The following GRID2 variants were observed in gnomAD, a reference collection of about 807,000 sequenced individuals.
GRID2 encodes glutamate ionotropic receptor delta type subunit 2.
In GRID2, 33 loss-of-function variants were observed where a neutral mutation model predicts 114.8. The observed-to-expected ratio is 0.29, with a 90% CI of 0.22 to 0.38. The LOEUF (loss-of-function observed/expected upper bound fraction) is 0.38, where lower values mean the gene tolerates loss of function less well. Ranked by LOEUF, GRID2 falls within the 10% of genes least tolerant of loss-of-function variation. GRID2 has a pLI of 1.00. For missense variants in GRID2, 1,184 were observed against 1,257.7 expected, an observed-to-expected ratio of 0.94 and a Z score of 0.89; for synonymous variants, 505 against 449.9, an observed-to-expected ratio of 1.12 and a Z score of -1.55.
chr4:92,748,457 C>T (rs1166028212), intron 2 of GRID2, among the ~76,000 whole-genome samples: 1 of 151,952 alleles, frequency 6.6e-6, no homozygotes, highest in East Asian at 1.9e-4. Flanking sequence ...CCACCAGCAA[C>T]TCTACCCTCT....
At chr4:92,888,060 T>A (rs1419182104) in intron 2 of GRID2, among the ~76,000 whole-genome samples, 1 of 152,140 alleles carries the variant, frequency 6.6e-6, no homozygotes, top group Non-Finnish European at 1.5e-5. Flanking sequence ...AACCTAGAGT[T>A]CGAAGGATTA....
At chr4:92,503,030 T>A (rs1723767734) in intron 1 of GRID2, among the ~76,000 whole-genome samples, 1 of 152,008 alleles carries the variant, frequency 6.6e-6, no homozygotes, top group South Asian at 2.1e-4. Flanking sequence ...AGATAAAAAA[T>A]TAAGGTTTCT....
chr4:92,386,086 G>C (rs1729948454), intron 1 of GRID2, among the ~76,000 whole-genome samples: 2 of 151,420 alleles, frequency 1.3e-5, no homozygotes, highest in Admixed American at 6.6e-5. Context: ...ATGATATTCT[G>C]TTCAATGACA....
At chr4:93,488,409 C>T (rs1398545586) in intron 11 of GRID2, among the ~76,000 whole-genome samples, 3 of 151,706 alleles carry the variant, frequency 2.0e-5, no homozygotes, top group South Asian at 2.1e-4. Context: ...TAGAATATAA[C>T]CAAAGGGTGT....
chr4:93,290,138 G>A (rs6532397), intron 8 of GRID2, among the ~76,000 whole-genome samples: 7,867 of 152,120 alleles, frequency 0.052, 513 homozygotes, highest in East Asian at 0.26. Flanking sequence ...AAAACTGCCC[G>A]GTAGTTCATA....
rs75118960 is a variant in GRID2, at chr4:93,041,767, T to G, written c.245-43228T>G. Among the ~76,000 whole-genome samples, 1,142 of 152,296 alleles carry G rather than the reference T, an allele frequency of 7.5e-3. 6 individuals are homozygous for G. The highest frequency in any genetic ancestry group is 0.012 in the Non-Finnish European group (837 of 68,026). Reference sequence around the variant, plus strand: ...GTAATGAAATAGTTAATATTTCTATTATGAAATATTCTGATGTGTGAAGAA... The same window carrying G: ...GTAATGAAATAGTTAATATTTCTATGATGAAATATTCTGATGTGTGAAGAA... On this transcript the variant is annotated intron_variant, in intron 2 of 15. Coordinates refer to ENST00000282020, the MANE Select transcript of GRID2 (RefSeq NM_001510.4).
At chr4:92,736,548 T>G (rs1450817865) in intron 2 of GRID2, among the ~76,000 whole-genome samples, 1 of 152,072 alleles carries the variant, frequency 6.6e-6, no homozygotes, top group Non-Finnish European at 1.5e-5. Context: ...CTTTAACCTA[T>G]CGAATGTCCT....
chr4:93,430,411 C>A (rs531531950), intron 10 of GRID2, among the ~76,000 whole-genome samples: 9 of 152,174 alleles, frequency 5.9e-5, no homozygotes, highest in African/African-American at 2.2e-4. Flanking sequence ...GAACTCCTGA[C>A]CTCAGGTGAT....
chr4:92,982,022 T>TAAAAAAAAAAAAAAAAAAAAAAAA (rs1161216679), intron 2 of GRID2, among the ~76,000 whole-genome samples: 3 of 80,200 alleles, frequency 3.7e-5, no homozygotes, highest in Non-Finnish European at 7.6e-5. Context: ...AAAGTACTGG[T>TAAAAAAAAAAAAAAAAAAAAAAAA]AAAAAAAAAA....
chr4:93,770,809 A>C (rs191001579), intron 15 of GRID2, among the ~76,000 whole-genome samples: 1 of 152,256 alleles, frequency 6.6e-6, no homozygotes, highest in Admixed American at 6.5e-5. Context: ...ATGATATTAA[A>C]ATTTTGCATT....
chr4:93,427,193 T>C (rs1398773683), intron 10 of GRID2, among the ~76,000 whole-genome samples: 2 of 151,972 alleles, frequency 1.3e-5, no homozygotes, highest in Non-Finnish European at 2.9e-5. Flanking sequence ...GATACTTTAA[T>C]AAAATACCAT....
At chr4:93,388,560 G>C (rs1764550283) in intron 8 of GRID2, among the ~76,000 whole-genome samples, 1 of 152,148 alleles carries the variant, frequency 6.6e-6, no homozygotes, top group African/African-American at 2.4e-5. Flanking sequence ...TGAGAGGGAA[G>C]GCATTATGAC....
intron 8 of GRID2, among the ~76,000 whole-genome samples, chr4:93,317,317 C>T (rs1756760613): frequency 3.5e-5 from 2 of 57,652 alleles, no homozygotes; most frequent in South Asian, 8.0e-4. Flanking sequence ...CTTCCATTCT[C>T]CTCAGGTTTT....
rs142238251 is a variant in GRID2 at position 93,769,323 on chromosome 4, C to T, written c.2474C>T (p.Ala825Val). Residue 825 changes from alanine (A) to valine (V), a missense_variant, in exon 15 of 16, where the codon GCC becomes GTC. Physicochemically the swap from Ala to Val is moderately conservative, Grantham distance 64. Coordinates refer to ENST00000282020, the MANE Select transcript of GRID2 (RefSeq NM_001510.4). The part of the protein sequence containing the change: ...SSVDTKQKGG[A>V]LDIKSFAGVF... ...GTGGACACAAAGCAGAAAGGAGGCG[C>T]CCTGGACATAAAGAGCTTTGCAGGG... 6.2e-7 allele frequency: 1 copy of T among 1,614,088 alleles called. No homozygotes were observed. Among genetic ancestry groups the T allele is most frequent in the Non-Finnish European group, 8.5e-7 (1 of 1,179,982 alleles).
At chr4:93,801,187 C>T (rs750894666) in intron 1 of GRID2, among the ~76,000 whole-genome samples, 1 of 152,028 alleles carries the variant, frequency 6.6e-6, no homozygotes, top group Non-Finnish European at 1.5e-5. Flanking sequence ...GATTGATTTT[C>T]CCAACCAATT....
chr4:93,775,581 T>C (rs542354677), downstream of GRID2, among the ~76,000 whole-genome samples: 7 of 152,284 alleles, frequency 4.6e-5, no homozygotes, highest in South Asian at 4.1e-4. Flanking sequence ...CTACACTTGG[T>C]TTTTTGGCCC....
At chr4:92,361,534 C>T (rs79209074) in intron 1 of GRID2, among the ~76,000 whole-genome samples, 1,844 of 151,868 alleles carry the variant, frequency 0.012, 26 homozygotes, top group Non-Finnish European at 0.019. Flanking sequence ...TTTTTAGGAT[C>T]CAGGTGTTCA....
intron 2 of GRID2, among the ~76,000 whole-genome samples, chr4:93,010,019 C>A (rs1578742168): frequency 6.6e-6 from 1 of 151,994 alleles, no homozygotes; most frequent in African/African-American, 2.4e-5. Flanking sequence ...TAGGAAGTAT[C>A]AAGGTCCTGT....
chr4:93,130,929 T>C (rs1382022680), intron 4 of GRID2, among the ~76,000 whole-genome samples: 1 of 152,146 alleles, frequency 6.6e-6, no homozygotes, highest in South Asian at 2.1e-4. Flanking sequence ...AGTTCTCTCT[T>C]ATCCAATTGC....
Sources: allele counts gnomAD v4.1 joint callset (sites outside exome capture counted in the v4.1 genomes callset), GRCh38; gene constraint gnomAD v4.1.1; transcripts MANE v1.5; gene names NCBI Gene and HGNC (gene_info 2026-07-23, HGNC 2026-07-21).